Variants in CACNA1D observed in about 807,000 individuals in gnomAD.
CACNA1D encodes calcium voltage-gated channel subunit alpha1 D, also known as voltage-dependent L-type calcium channel subunit alpha-1D.
CACNA1D carries 55 observed loss-of-function variants against 257.1 expected under a neutral mutation model. The observed-to-expected ratio is 0.21, with a 90% CI of 0.17 to 0.27. The LOEUF is 0.27. Ranked by LOEUF, CACNA1D falls within the 10% of genes least tolerant of loss-of-function variation. The probability of loss-of-function intolerance (pLI) is 1.00; values close to 1 mark genes in which losing one functional copy is unlikely to be tolerated. For synonymous variants in CACNA1D, 980 were observed against 1,014.9 expected (o/e 0.97, Z 0.65); for missense variants, 1,876 against 2,784.0 (o/e 0.67, Z 7.34).
chr3:53,505,473 C>T (rs1019726396), intron 3 of CACNA1D, among the ~76,000 whole-genome samples: 2 of 152,164 alleles, frequency 1.3e-5, no homozygotes, highest in African/African-American at 4.8e-5. Flanking sequence ...CATTCTGAAT[C>T]CCCAGCCATG....
At chr3:53,696,792 A>C (rs990304549) in intron 8 of CACNA1D, among the ~76,000 whole-genome samples, 1 of 151,956 alleles carries the variant, frequency 6.6e-6, no homozygotes, top group Non-Finnish European at 1.5e-5. Context: ...CATTTATAGG[A>C]TGGGTGAATA....
At chr3:53,658,602 T>C (rs2094171936) in intron 4 of CACNA1D, among the ~76,000 whole-genome samples, 1 of 152,242 alleles carries the variant, frequency 6.6e-6, no homozygotes, top group Non-Finnish European at 1.5e-5. Flanking sequence ...AAAATTCCTG[T>C]GGCTTGCACA....
rs559808159 is a variant in CACNA1D, at chr3:53,540,952, G to A, written c.483+39232G>A. 2.6e-5 allele frequency among the ~76,000 whole-genome samples: 4 copies of A among 152,210 alleles called. No individual in the cohort carries two copies. In the East Asian group the frequency reaches 5.8e-4, roughly 22 times the overall value. On this transcript the variant is annotated intron_variant, in intron 3 of 47. Coordinates refer to ENST00000350061, the MANE Select transcript of CACNA1D (RefSeq NM_001128840.3). ...AGACAGGGTTTCACCATGTTGGCCC[G>A]GCTGGTCTTGAATTCCTGACCTTAG...
intron 45 of CACNA1D, 116 bp from the exon 46 acceptor site, chr3:53,808,533 A>G: frequency 7.9e-7 from 1 of 1,272,928 alleles, no homozygotes; most frequent in Non-Finnish European, 1.1e-6. Flanking sequence ...TCTTGGACAA[A>G]CCGCATGCTT....
chr3:53,551,087 G>C (rs1021940052), intron 3 of CACNA1D, among the ~76,000 whole-genome samples: 1 of 152,168 alleles, frequency 6.6e-6, no homozygotes, highest in Non-Finnish European at 1.5e-5. Context: ...ATAGTTCTCC[G>C]CACTTGTATT....
chr3:53,653,086 A>G (rs1409653223), intron 4 of CACNA1D, among the ~76,000 whole-genome samples: 1 of 152,160 alleles, frequency 6.6e-6, no homozygotes, highest in Non-Finnish European at 1.5e-5. Flanking sequence ...CCCCCTGTCT[A>G]CTAAAAATGC....
intron 45 of CACNA1D, among the ~76,000 whole-genome samples, chr3:53,806,637 C>T (rs1420765396): frequency 6.6e-6 from 1 of 152,138 alleles, no homozygotes; most frequent in Non-Finnish European, 1.5e-5. Context: ...CAAAAATAGC[C>T]GTGACACATC....
intron 3 of CACNA1D, among the ~76,000 whole-genome samples, chr3:53,583,635 G>T (rs1381765773): frequency 6.6e-6 from 1 of 152,146 alleles, no homozygotes; most frequent in Non-Finnish European, 1.5e-5. Context: ...TCTCCTCAGG[G>T]GCTGCTTCTT....
chr3:53,694,688 A>G (rs1379360708), intron 8 of CACNA1D, among the ~76,000 whole-genome samples: 1 of 152,194 alleles, frequency 6.6e-6, no homozygotes, highest in Non-Finnish European at 1.5e-5. Context: ...CTCTAGGAAC[A>G]ATCTAAATAA....
In CACNA1D at chr3:53,770,454, A is replaced by G; in HGVS notation, c.3946A>G (p.Thr1316Ala). 6.2e-7 allele frequency: 1 copy of G among 1,613,794 alleles called. No homozygotes were observed. The highest frequency in any genetic ancestry group is 8.5e-7 in the Non-Finnish European group (1 of 1,179,788). The change falls in exon 32 of 48, where the codon ACC becomes GCC. Residue 1316 changes from threonine to alanine, a missense_variant. Physicochemically the swap from Thr to Ala is moderately conservative, Grantham distance 58. Around this residue, in one of 10 missense-constraint regions of CACNA1D, gnomAD observed 204 missense variants for 309.4 expected, o/e 0.66. Coordinates refer to ENST00000350061, the MANE Select transcript of CACNA1D (RefSeq NM_001128840.3). ...NSEESNRISI[T>A]FFRLFRVMRL... ...TGAAGAGAGCAATAGAATCTCCATCACCTTTTTCCGTCTTTTCCGAGTGAT... is the reference window on the plus strand; with the variant it reads ...TGAAGAGAGCAATAGAATCTCCATCGCCTTTTTCCGTCTTTTCCGAGTGAT...
At chr3:53,747,256 C>T (rs753763979) in intron 25 of CACNA1D, 46 bp from the exon 26 acceptor site, 5 of 1,582,134 alleles carry the variant, frequency 3.2e-6, no homozygotes, top group Non-Finnish European at 3.5e-6. Flanking sequence ...CTGCTTCCAC[C>T]TGTCATGTGT....
chr3:53,576,025 G>A (rs913525845), intron 3 of CACNA1D, among the ~76,000 whole-genome samples: 9 of 152,096 alleles, frequency 5.9e-5, no homozygotes, highest in Admixed American at 1.3e-4. Context: ...TGTGTCTGGT[G>A]GGAACGTTCC....
At chr3:53,748,544 A>G (rs1432484773) in intron 26 of CACNA1D, among the ~76,000 whole-genome samples, 2 of 152,206 alleles carry the variant, frequency 1.3e-5, no homozygotes, top group African/African-American at 4.8e-5. Context: ...GCAGCTGAGG[A>G]GAAAGGAGCA....
rs2093993606 is a variant in CACNA1D, at chr3:53,644,089, T to G, written c.484-6690T>G. ...ATTTATAAATGCGGAATATCTATTT[T>G]TGTGACAGGCCTTGGGAATGCAATG... On this transcript the variant is annotated intron_variant, in intron 3 of 47. Transcript: ENST00000350061. 2.6e-5 allele frequency among the ~76,000 whole-genome samples: 4 copies of G among 152,334 alleles called. 1 individual carries two copies. The South Asian group carries it at 8.3e-4, about 32-fold the overall frequency.
rs2094189485 is a variant in CACNA1D at position 53,660,137 on chromosome 3, T to A, written c.628T>A (p.Phe210Ile). 6.2e-7 allele frequency: 1 copy of A among 1,613,630 alleles called. No homozygotes were observed. Among genetic ancestry groups the A allele is most frequent in the African/African-American group, 1.3e-5 (1 of 74,930 alleles). Reference sequence around the variant, plus strand: ...TTTCTCTTTCTCTTCTTTCAGATTGTTTAGTGTAATTTTGGAACAATTAAC... The same window carrying A: ...TTTCTCTTTCTCTTCTTTCAGATTGATTAGTGTAATTTTGGAACAATTAAC... Reference protein sequence around the residue: ...LDFVIVIVGLFSVILEQLTKE... With the variant: ...LDFVIVIVGLISVILEQLTKE... The change falls in exon 5 of 48, where the codon TTT becomes ATT. Residue 210 changes from phenylalanine (F) to isoleucine (I), a missense_variant. Transcript: ENST00000350061.
At chr3:53,670,966 AG>A (rs1269004361) in intron 7 of CACNA1D, among the ~76,000 whole-genome samples, 1 of 152,186 alleles carries the variant, frequency 6.6e-6, no homozygotes, top group East Asian at 1.9e-4. Context: ...GACCGTTCTC[AG>A]AGCCGAAGCT....
chr3:53,808,758 A>G lies in CACNA1D; in HGVS notation c.5859A>G (p.Leu1953=). ...ATCGCACGGCCCTGCCTCTGCATCT[A>G]ATGCAGCAACAGGTGAGCGGCCCAC... ...FPHRTALPLH[L]MQQQIMAVAG... is the part of the protein sequence containing the mutation. Residue 1953 remains leucine (L), a synonymous_variant, in exon 46 of 48, where the codon CTA becomes CTG. Coordinates refer to ENST00000350061, the MANE Select transcript of CACNA1D (RefSeq NM_001128840.3). 6.2e-7 allele frequency: 1 copy of G among 1,607,022 alleles called. No homozygotes were observed. Among genetic ancestry groups the G allele is most frequent in the South Asian group, 1.1e-5 (1 of 91,070 alleles).
intron 29 of CACNA1D, among the ~76,000 whole-genome samples, chr3:53,754,790 GATTTA>G: frequency 6.6e-6 from 1 of 152,230 alleles, no homozygotes; most frequent in East Asian, 1.9e-4. Context: ...TGACGACACT[GATTTA>G]ATTAAGTTAG....
chr3:53,718,261 G>A, intron 9 of CACNA1D, 40 bp from the exon 10 acceptor site: 1 of 1,564,010 alleles, frequency 6.4e-7, no homozygotes, highest in Non-Finnish European at 8.8e-7. Flanking sequence ...GGCGTGCAGT[G>A]TGCCCCGCAT....
Sources: allele counts gnomAD v4.1 joint callset (sites outside exome capture counted in the v4.1 genomes callset), GRCh38; gene constraint gnomAD v4.1.1; regional missense constraint gnomAD v4.1.1; transcripts MANE v1.5; gene names NCBI Gene and HGNC (gene_info 2026-07-23, HGNC 2026-07-21).